Variants in SAMD8 observed in about 807,000 individuals in gnomAD.
The protein encoded by SAMD8 is sphingomyelin synthase-related protein 1.
In SAMD8, 20 loss-of-function variants were observed where a neutral mutation model predicts 42.0. The observed-to-expected ratio is 0.48, with a 90% CI of 0.34 to 0.69. SAMD8 has a LOEUF of 0.69. SAMD8 is among the 30% of genes least tolerant of loss of function. The pLI, the probability that SAMD8 is intolerant of heterozygous loss-of-function variation, is 0.01. For missense variants in SAMD8, 328 were observed against 511.6 expected, an observed-to-expected ratio of 0.64 and a Z score of 3.46; for synonymous variants, 162 against 173.0, an observed-to-expected ratio of 0.94 and a Z score of 0.50.
chr10:75,128,976 C>T (rs1211043921), intron 1 of SAMD8, among the ~76,000 whole-genome samples: 1 of 152,056 alleles, frequency 6.6e-6, no homozygotes, highest in East Asian at 1.9e-4. Flanking sequence ...CAAAAGTTGA[C>T]ACTTTCGTAA....
upstream of SAMD8, among the ~76,000 whole-genome samples, chr10:75,110,238 G>A (rs1429507364): frequency 6.6e-6 from 1 of 152,236 alleles, no homozygotes; most frequent in Non-Finnish European, 1.5e-5. Context: ...CCTAGACTTT[G>A]AGAGCCAAAG....
chr10:75,143,929 T>G (rs912859646), intron 1 of SAMD8, among the ~76,000 whole-genome samples: 8 of 151,978 alleles, frequency 5.3e-5, no homozygotes, highest in African/African-American at 1.9e-4. Context: ...TGTTTGTGTG[T>G]GTGGTAAAAT....
upstream of SAMD8, chr10:75,111,471 G>A (rs1848765192): frequency 2.5e-6 from 3 of 1,218,528 alleles, no homozygotes; most frequent in South Asian, 4.2e-5. Flanking sequence ...GTCCCCGGCC[G>A]GTAGGGCCCC....
intron 2 of SAMD8, among the ~76,000 whole-genome samples, chr10:75,162,574 A>C (rs1189229552): frequency 6.8e-6 from 1 of 147,472 alleles, no homozygotes; most frequent in Non-Finnish European, 1.5e-5. Flanking sequence ...GCTTGAACCC[A>C]GGAGGCGGAG....
At chr10:75,156,663 A>G (rs959186877) in intron 2 of SAMD8, among the ~76,000 whole-genome samples, 5 of 152,122 alleles carry the variant, frequency 3.3e-5, no homozygotes, top group Admixed American at 6.6e-5. Flanking sequence ...TTTAACCTAT[A>G]TCTAATCACG....
chr10:75,110,335 A>G, upstream of SAMD8, among the ~76,000 whole-genome samples: 1 of 152,138 alleles, frequency 6.6e-6, no homozygotes, highest in Non-Finnish European at 1.5e-5. Context: ...AGAAAGGTCA[A>G]CCTGTCCTTC....
intron 1 of SAMD8, chr10:75,105,772 G>A (rs374708688): frequency 2.0e-5 from 31 of 1,551,622 alleles, no homozygotes; most frequent in Middle Eastern, 2.0e-4. Context: ...GGTGATCACC[G>A]CCTGGCGCAG....
At chr10:75,148,502 C>G (rs756754510) in intron 1 of SAMD8, among the ~76,000 whole-genome samples, 1 of 152,012 alleles carries the variant, frequency 6.6e-6, no homozygotes, top group African/African-American at 2.4e-5. Flanking sequence ...TACAGGCGCA[C>G]GCTGCCATGC....
intron 1 of SAMD8, among the ~76,000 whole-genome samples, chr10:75,116,062 AG>A (rs1195547642): frequency 6.6e-6 from 1 of 151,746 alleles, no homozygotes; most frequent in African/African-American, 2.4e-5. Flanking sequence ...GTTGTGGGGC[AG>A]GGCAGTGAAT....
In SAMD8 at chr10:75,168,787, C is replaced by A. The variant is rs548332573; in HGVS notation, c.792+129C>A. ...GTATCTGCAATGTCTATAAAAAAAA[C>A]TATAGAAATAATTTGGTAAAAGTCT... On this transcript the variant is annotated intron_variant, in intron 4 of 5. Coordinates refer to ENST00000542569, the MANE Select transcript of SAMD8 (RefSeq NM_001174156.2). 235 of 611,898 alleles carry A rather than the reference C, an allele frequency of 3.8e-4. 1 individual carries two copies. The highest frequency in any genetic ancestry group is 1.5e-3 in the South Asian group (80 of 51,872). 37.9% of individuals were successfully genotyped at this position (611,898 alleles called of 1,614,324 possible).
upstream of SAMD8, chr10:75,107,903 G>C (rs946839665): frequency 1.8e-5 from 25 of 1,404,988 alleles, no homozygotes; most frequent in Non-Finnish European, 2.2e-5. Flanking sequence ...AAAAAGCAGG[G>C]ATGGGAGGGC....
intron 1 of SAMD8, among the ~76,000 whole-genome samples, chr10:75,123,773 C>T (rs1849061103): frequency 6.6e-6 from 1 of 151,940 alleles, no homozygotes; most frequent in African/African-American, 2.4e-5. Context: ...TCACTGCAAC[C>T]TCTGCCTCCA....
intron 1 of SAMD8, chr10:75,101,842 C>G (rs373222951): frequency 7.4e-7 from 1 of 1,360,196 alleles, no homozygotes; most frequent in African/African-American, 1.5e-5. Context: ...ATCCTACCCC[C>G]CCCAAATTAG....
intron 4 of SAMD8, among the ~76,000 whole-genome samples, chr10:75,175,375 T>C (rs1412082755): frequency 6.6e-6 from 1 of 152,176 alleles, no homozygotes; most frequent in Non-Finnish European, 1.5e-5. Context: ...CCGTCTGTCA[T>C]AGCCTATGTC....
intron 1 of SAMD8, among the ~76,000 whole-genome samples, chr10:75,104,551 C>T (rs1848375629): frequency 6.6e-6 from 1 of 152,146 alleles, no homozygotes; most frequent in South Asian, 2.1e-4. Context: ...TGGGCATGGT[C>T]CGAGATCTGA....
chr10:75,111,095 G>A (rs111684817), upstream of SAMD8, among the ~76,000 whole-genome samples: 687 of 152,332 alleles, frequency 4.5e-3, 5 homozygotes, highest in African/African-American at 0.016. Flanking sequence ...TTACAGACGT[G>A]AGCCTCCGCT....
At chr10:75,121,410 G>A (rs1849001818) in intron 1 of SAMD8, among the ~76,000 whole-genome samples, 1 of 152,150 alleles carries the variant, frequency 6.6e-6, no homozygotes, top group Non-Finnish European at 1.5e-5. Flanking sequence ...TTGAGGAATT[G>A]TACTAGATCT....
chr10:75,108,278 C>T (rs958261119), upstream of SAMD8: 3 of 1,523,140 alleles, frequency 2.0e-6, no homozygotes, highest in African/African-American at 4.1e-5. Context: ...TGTGCCTGGC[C>T]CCCTGCTGCA....
At chr10:75,103,157 G>A (rs1161231366) in intron 1 of SAMD8, among the ~76,000 whole-genome samples, 1 of 152,238 alleles carries the variant, frequency 6.6e-6, no homozygotes, top group Non-Finnish European at 1.5e-5. Flanking sequence ...AGGGCAGGAA[G>A]TTCAAGTTGG....
Sources: allele counts gnomAD v4.1 joint callset (sites outside exome capture counted in the v4.1 genomes callset), GRCh38; gene constraint gnomAD v4.1.1; transcripts MANE v1.5; gene names NCBI Gene and HGNC (gene_info 2026-07-23, HGNC 2026-07-21).